NALF1: variants seen among roughly 807,000 people sequenced by gnomAD.
NALF1 encodes the protein family with sequence similarity 155 member A.
A neutral mutation model predicts 48.4 loss-of-function variants in NALF1; 3 were observed. The observed-to-expected ratio is 0.06, with a 90% CI of 0.03 to 0.16. NALF1 has a LOEUF of 0.16. Among genes scored for constraint, NALF1 ranks in the 10% least tolerant of loss-of-function variants. NALF1 has a pLI of 1.00. For synonymous variants in NALF1, 262 were observed against 245.7 expected (o/e 1.07, Z -0.62); for missense variants, 526 against 571.5 (o/e 0.92, Z 0.81).
chr13:107,638,201 A>ATATATATATATATATATATATATG (rs372122331), intron 1 of NALF1, among the ~76,000 whole-genome samples: 40 of 110,832 alleles, frequency 3.6e-4, no homozygotes, highest in African/African-American at 1.0e-3. Flanking sequence ...ATATATATAT[A>ATATATATATATATATATATATATG]TATATAATTT....
At chr13:107,859,445 G>A (rs758665521) in intron 1 of NALF1, among the ~76,000 whole-genome samples, 2 of 151,860 alleles carry the variant, frequency 1.3e-5, no homozygotes, top group Non-Finnish European at 2.9e-5. Context: ...CTTCAAGTGG[G>A]GAAAATCAAC....
At chr13:107,689,532 T>C (rs1419287021) in intron 1 of NALF1, among the ~76,000 whole-genome samples, 2 of 151,728 alleles carry the variant, frequency 1.3e-5, no homozygotes, top group Admixed American at 6.6e-5. Flanking sequence ...CCAAATGGAG[T>C]TTCAAGAGAC....
At chr13:107,271,255 G>A (rs574460696) in intron 1 of NALF1, among the ~76,000 whole-genome samples, 45 of 151,936 alleles carry the variant, frequency 3.0e-4, no homozygotes, top group Non-Finnish European at 5.3e-4. Context: ...ATCTGGGTGG[G>A]CCTAACTTAA....
At chr13:107,856,991 C>T (rs895629800) in intron 1 of NALF1, among the ~76,000 whole-genome samples, 2 of 152,216 alleles carry the variant, frequency 1.3e-5, no homozygotes, top group Admixed American at 6.5e-5. Context: ...GCCTCACTCT[C>T]ACCCCTAAAG....
chr13:107,700,192 A>C (rs8002430), intron 1 of NALF1, among the ~76,000 whole-genome samples: 102,811 of 151,708 alleles, frequency 0.68, 35,129 homozygotes, highest in East Asian at 0.85. Context: ...CCCTGAATAG[A>C]CAAAGAAATA....
At chr13:107,599,996 T>A (rs1878877783) in intron 1 of NALF1, among the ~76,000 whole-genome samples, 1 of 152,222 alleles carries the variant, frequency 6.6e-6, no homozygotes, top group Non-Finnish European at 1.5e-5. Context: ...AATGATACCA[T>A]CACAGCTTAT....
At chr13:107,413,288 C>T (rs539677620) in intron 1 of NALF1, among the ~76,000 whole-genome samples, 1 of 152,208 alleles carries the variant, frequency 6.6e-6, no homozygotes, top group African/African-American at 2.4e-5. Flanking sequence ...TAACTGATAA[C>T]CACACAATTC....
At chr13:107,820,310 T>A (rs989478834) in intron 1 of NALF1, among the ~76,000 whole-genome samples, 5 of 152,200 alleles carry the variant, frequency 3.3e-5, no homozygotes, top group Non-Finnish European at 5.9e-5. Context: ...AATTTTATAG[T>A]CAGCTGGACT....
intron 1 of NALF1, among the ~76,000 whole-genome samples, chr13:107,558,908 T>C (rs1363494064): frequency 3.9e-5 from 6 of 152,148 alleles, no homozygotes; most frequent in African/African-American, 1.4e-4. Context: ...CTCCCAGTTC[T>C]TAGACTTTTG....
At chr13:107,797,609 C>A (rs1228008881) in intron 1 of NALF1, among the ~76,000 whole-genome samples, 1 of 152,164 alleles carries the variant, frequency 6.6e-6, no homozygotes, top group African/African-American at 2.4e-5. Context: ...GTGTTCTGGG[C>A]ACTGGGGCTT....
chr13:107,455,364 TTAA>T (rs1884807125), intron 1 of NALF1, among the ~76,000 whole-genome samples: 1 of 151,748 alleles, frequency 6.6e-6, no homozygotes, highest in African/African-American at 2.4e-5. Flanking sequence ...CTTTTGCCTT[TTAA>T]AAAAAAATAG....
intron 1 of NALF1, among the ~76,000 whole-genome samples, chr13:107,534,472 C>T (rs1005208274): frequency 5.3e-5 from 8 of 152,010 alleles, no homozygotes; most frequent in Admixed American, 1.3e-4. Context: ...TTGTTTTCTT[C>T]CATCTTTTAT....
At chr13:107,832,644 C>T (rs1033734549) in intron 1 of NALF1, among the ~76,000 whole-genome samples, 1 of 152,114 alleles carries the variant, frequency 6.6e-6, no homozygotes. Flanking sequence ...CGCAACTCCT[C>T]GTTCTTCCTT....
At chr13:107,384,627 T>C (rs1456962343) in intron 1 of NALF1, among the ~76,000 whole-genome samples, 1 of 152,190 alleles carries the variant, frequency 6.6e-6, no homozygotes, top group Non-Finnish European at 1.5e-5. Flanking sequence ...AGGCAAGGCA[T>C]CTTTTTTTTC....
At chr13:107,225,949 T>C (rs1880094461) in intron 1 of NALF1, among the ~76,000 whole-genome samples, 1 of 138,914 alleles carries the variant, frequency 7.2e-6, no homozygotes, top group South Asian at 2.2e-4. Flanking sequence ...ACCTGAGCTA[T>C]TCCTTACACA....
intron 1 of NALF1, among the ~76,000 whole-genome samples, chr13:107,331,457 T>C (rs9514663): frequency 0.45 from 67,723 of 152,046 alleles, 16,220 homozygotes; most frequent in South Asian, 0.59. Context: ...CACCGCTGTG[T>C]TTCACAACTG....
intron 1 of NALF1, among the ~76,000 whole-genome samples, chr13:107,655,726 T>C (rs1333459712): frequency 6.6e-6 from 1 of 150,376 alleles, no homozygotes; most frequent in Non-Finnish European, 1.5e-5. Flanking sequence ...AAAAAAAAAA[T>C]TGTGGAGGCA....
chr13:107,720,510 CAAAAAAAAAAA>C (rs56380251), intron 1 of NALF1, among the ~76,000 whole-genome samples: 2 of 59,852 alleles, frequency 3.3e-5, no homozygotes, highest in South Asian at 8.1e-4. Context: ...GACTGCATCT[CAAAAAAAAAAA>C]AAAAAAAAAA....
chr13:107,656,988 C>T (rs1880595328), intron 1 of NALF1, among the ~76,000 whole-genome samples: 1 of 151,640 alleles, frequency 6.6e-6, no homozygotes, highest in East Asian at 1.9e-4. Flanking sequence ...ATACATTGGA[C>T]TTTGAGGACT....
Sources: allele counts gnomAD v4.1 joint callset (sites outside exome capture counted in the v4.1 genomes callset), GRCh38; gene constraint gnomAD v4.1.1; transcripts MANE v1.5; gene names NCBI Gene and HGNC (gene_info 2026-07-23, HGNC 2026-07-21).